GLRA3: variants seen among roughly 807,000 people sequenced by gnomAD.
GLRA3 encodes the protein glycine receptor subunit alpha-3.
A neutral mutation model predicts 60.4 loss-of-function variants in GLRA3; 44 were observed. The ratio of observed to expected loss-of-function variants is 0.73; its 90% confidence interval spans 0.57 to 0.94. The LOEUF (loss-of-function observed/expected upper bound fraction) is 0.94. Ranked by LOEUF, GLRA3 falls within the 40% of genes least tolerant of loss-of-function variation. GLRA3 has a pLI of 0.00. For missense variants in GLRA3, 508 were observed against 564.6 expected (o/e 0.90, Z 1.02); for synonymous variants, 223 against 192.9 (o/e 1.16, Z -1.29).
At chr4:174,708,460 A>AT (rs148732517) in intron 5 of GLRA3, among the ~76,000 whole-genome samples, 5 of 149,774 alleles carry the variant, frequency 3.3e-5, no homozygotes, top group Non-Finnish European at 3.0e-5. Flanking sequence ...GCTTTTGTTA[A>AT]TTTTTTTTTT....
At chr4:174,742,649 T>G (rs1412316939) in intron 3 of GLRA3, among the ~76,000 whole-genome samples, 1 of 152,158 alleles carries the variant, frequency 6.6e-6, no homozygotes, top group Non-Finnish European at 1.5e-5. Context: ...AATTCAGACT[T>G]GCAATATGTG....
At position 174,641,859 on chromosome 4, in the gene GLRA3, C is replaced by T. The variant is rs146502764; in HGVS notation, c.*1927G>A. 6.6e-6 allele frequency: 1 copy of T among 152,058 alleles called. No individual in the cohort carries two copies. The highest frequency in any genetic ancestry group is 1.9e-4 in the East Asian group (1 of 5,170). The allele number at this position is 152,058 out of a possible 1,614,324, so 9.4% of individuals were successfully genotyped here. ...ATCGAGATGATGTAGTTTATAATTA[C>T]CTCAAACTCTCCTGCTAATTCTCAA... On this transcript the variant is annotated 3_prime_UTR_variant, in exon 10 of 10. Transcript: ENST00000274093.
chr4:174,814,132 T>G (rs1740386032), intron 1 of GLRA3, among the ~76,000 whole-genome samples: 1 of 152,190 alleles, frequency 6.6e-6, no homozygotes, highest in Non-Finnish European at 1.5e-5. Flanking sequence ...TTGCTGTCCA[T>G]GGCTGGCTTA....
intron 1 of GLRA3, among the ~76,000 whole-genome samples, chr4:174,796,664 G>T (rs1481953067): frequency 1.3e-5 from 2 of 151,932 alleles, no homozygotes; most frequent in African/African-American, 4.8e-5. Flanking sequence ...AGCCCCCCGA[G>T]TAGCTGGGAC....
At chr4:174,731,177 T>G (rs1475049074) in intron 3 of GLRA3, among the ~76,000 whole-genome samples, 1 of 152,172 alleles carries the variant, frequency 6.6e-6, no homozygotes, top group African/African-American at 2.4e-5. Context: ...TGCCTGCAAA[T>G]GAACATTGAG....
chr4:174,644,618 C>T (rs149276211), intron 9 of GLRA3, among the ~76,000 whole-genome samples: 174 of 152,204 alleles, frequency 1.1e-3, no homozygotes, highest in African/African-American at 3.9e-3. Context: ...CTGTTTTACA[C>T]TAACCTTTTT....
In GLRA3 at chr4:174,642,810, C is replaced by A; in HGVS notation, c.*976G>T. 1.2e-6 allele frequency: 1 copy of A among 801,804 alleles called. No homozygotes were observed. The highest frequency in any genetic ancestry group is 1.5e-6 in the Non-Finnish European group (1 of 662,768). 49.7% of individuals were successfully genotyped at this position (801,804 alleles called of 1,614,324 possible). On this transcript the variant is annotated 3_prime_UTR_variant, in exon 10 of 10. Transcript: ENST00000274093. ...AAAATGGTTTTTATTAAAAAATCTT[C>A]CATGAATCCATTTTGTTTTCATTGT...
At position 174,814,271 on chromosome 4, in the gene GLRA3, G is replaced by A. The variant is rs183281343; in HGVS notation, c.71+14470C>T. Among the ~76,000 whole-genome samples the A allele has an allele frequency of 1.8e-4, 27 of 152,252 alleles. 1 individual carries two copies. In the East Asian group the frequency reaches 4.6e-3, roughly 26 times the overall value. ...TGAATTGAAGGGTGGTGAATGTAGA[G>A]GATTATATTGATTAGTGGAAATGGC... is the stretch of plus-strand genomic sequence containing the variant. On this transcript the variant is annotated intron_variant, in intron 1 of 9. Transcript: ENST00000274093.
chr4:174,811,156 G>C (rs879443322), intron 1 of GLRA3, among the ~76,000 whole-genome samples: 4 of 141,660 alleles, frequency 2.8e-5, no homozygotes, highest in Non-Finnish European at 4.5e-5. Context: ...CACACACACA[G>C]ACAGCATGCA....
At chr4:174,790,292 C>T (rs1739275011) in intron 1 of GLRA3, among the ~76,000 whole-genome samples, 1 of 151,982 alleles carries the variant, frequency 6.6e-6, no homozygotes, top group South Asian at 2.1e-4. Flanking sequence ...CTTCGTGATC[C>T]TTTATCTCTG....
chr4:174,650,994 G>A (rs1469280511), intron 9 of GLRA3, among the ~76,000 whole-genome samples: 1 of 152,190 alleles, frequency 6.6e-6, no homozygotes, highest in Non-Finnish European at 1.5e-5. Context: ...CTTGCCCTTG[G>A]CTTCTGGAGG....
chr4:174,708,135 A>G (rs1413615739), intron 5 of GLRA3, among the ~76,000 whole-genome samples: 1 of 152,208 alleles, frequency 6.6e-6, no homozygotes, highest in African/African-American at 2.4e-5. Flanking sequence ...CAAACAAAAA[A>G]CATAATATTA....
chr4:174,771,523 T>C (rs1738385233), intron 2 of GLRA3, among the ~76,000 whole-genome samples: 1 of 152,066 alleles, frequency 6.6e-6, no homozygotes, highest in African/African-American at 2.4e-5. Flanking sequence ...TGTCATGCTC[T>C]ATTGACTCAT....
chr4:174,707,964 G>A (rs145695516), intron 5 of GLRA3, among the ~76,000 whole-genome samples: 75 of 152,252 alleles, frequency 4.9e-4, no homozygotes, highest in African/African-American at 1.7e-3. Flanking sequence ...GCATAGGATG[G>A]AATACTTAAT....
Position 174,728,467 on chromosome 4 carries a change from C to T in GLRA3, c.491+8G>A, listed in dbSNP as rs200277254. On this transcript the variant is annotated splice_region_variant and intron_variant, in intron 4 of 9. Coordinates refer to ENST00000274093, the MANE Select transcript of GLRA3 (RefSeq NM_006529.4). ...CACTGAAATCGGCAATTTAAGTCCA[C>T]GACTCACCTTATTGAATAAAGAACA... 190 of 1,455,042 alleles carry T rather than the reference C, an allele frequency of 1.3e-4. 2 individuals are homozygous for T. In the East Asian group the frequency reaches 2.9e-3, roughly 22 times the overall value. The allele number at this position is 1,455,042 out of a possible 1,614,324, so 90.1% of individuals were successfully genotyped here.
In GLRA3 at chr4:174,646,949, G is replaced by A. The variant is rs375668199; in HGVS notation, c.1117-2885C>T. Reference sequence around the variant, plus strand: ...GGAGAATCTGATGCTGATCCAATCCGGTTTTGAGGTAGCCAAAGTGCTACA... The same window carrying A: ...GGAGAATCTGATGCTGATCCAATCCAGTTTTGAGGTAGCCAAAGTGCTACA... On this transcript the variant is annotated intron_variant, in intron 9 of 9. Transcript: ENST00000274093. Among the ~76,000 whole-genome samples, 11 of 152,098 alleles carry A rather than the reference G, an allele frequency of 7.2e-5. 1 individual carries two copies. The East Asian group carries it at 1.4e-3, about 19-fold the overall frequency.
At chr4:174,704,749 T>G (rs1285928793) in intron 5 of GLRA3, among the ~76,000 whole-genome samples, 1 of 144,046 alleles carries the variant, frequency 6.9e-6, no homozygotes, top group Non-Finnish European at 1.5e-5. Flanking sequence ...CAATGGAACA[T>G]TATTCAAACT....
intron 9 of GLRA3, among the ~76,000 whole-genome samples, chr4:174,645,717 T>C (rs1290955056): frequency 6.6e-6 from 1 of 152,182 alleles, no homozygotes; most frequent in African/African-American, 2.4e-5. Flanking sequence ...CAGTCCAAAC[T>C]ACCTGAGACT....
chr4:174,782,721 G>A (rs1197933551), intron 2 of GLRA3, among the ~76,000 whole-genome samples: 5 of 152,116 alleles, frequency 3.3e-5, no homozygotes, highest in Non-Finnish European at 7.3e-5. Flanking sequence ...ATTCACAATT[G>A]TTTCAAAGAG....
Sources: gnomAD v4.1 joint callset for allele counts (sites outside exome capture counted in the v4.1 genomes callset) on GRCh38, gnomAD v4.1.1 for gene constraint, MANE v1.5 for transcripts, NCBI Gene and HGNC (gene_info 2026-07-23, HGNC 2026-07-21) for gene names.